The following MITD1 variants were observed in gnomAD, a reference collection of about 807,000 sequenced individuals.
The protein encoded by MITD1 is MIT domain-containing protein 1.
MITD1 carries 24 observed loss-of-function variants against 34.9 expected under a neutral mutation model. The observed-to-expected ratio is 0.69, with a 90% CI of 0.50 to 0.97. MITD1 has a LOEUF of 0.97. MITD1 is among the 50% of genes least tolerant of loss of function. The pLI, the probability that MITD1 is intolerant of heterozygous loss-of-function variation, is 0.00. For synonymous variants in MITD1, 102 were observed against 101.4 expected, an observed-to-expected ratio of 1.01 and a Z score of -0.04; for missense variants, 266 against 294.6, an observed-to-expected ratio of 0.90 and a Z score of 0.71.
chr2:99,164,801 G>A (rs2093819003), downstream of MITD1, among the ~76,000 whole-genome samples: 1 of 151,980 alleles, frequency 6.6e-6, no homozygotes, highest in Admixed American at 6.6e-5. Context: ...TTTGAGAAAG[G>A]TTAAAAATCC....
At chr2:99,166,535 C>T (rs1221929051), downstream of MITD1, among the ~76,000 whole-genome samples, 1 of 143,480 alleles carries the variant, frequency 7.0e-6, no homozygotes, top group Non-Finnish European at 1.5e-5. Context: ...AGAAATTTTT[C>T]ATGAAGAATG....
At chr2:99,174,498 C>A (rs566157008) in intron 1 of MITD1, among the ~76,000 whole-genome samples, 1 of 152,180 alleles carries the variant, frequency 6.6e-6, no homozygotes, top group Non-Finnish European at 1.5e-5. Context: ...TTTTACCCAA[C>A]CACCCCTCCT....
At chr2:99,165,061 C>CACATATAT (rs370053233), downstream of MITD1, among the ~76,000 whole-genome samples, 165 of 135,268 alleles carry the variant, frequency 1.2e-3, no homozygotes, top group South Asian at 3.0e-3. Context: ...CACACACACA[C>CACATATAT]ATATATATAT....
chr2:99,165,704 T>C (rs2093823898), downstream of MITD1, among the ~76,000 whole-genome samples: 1 of 152,226 alleles, frequency 6.6e-6, no homozygotes, highest in Non-Finnish European at 1.5e-5. Context: ...TAGAGCCTAC[T>C]TCCTTCTATG....
At chr2:99,170,457 T>C in intron 5 of MITD1, 80 bp downstream of exon 5, 1 of 387,742 alleles carries the variant, frequency 2.6e-6, no homozygotes. Context: ...TAAATATTTA[T>C]AGGCAATTAT....
Position 99,170,671 on chromosome 2 carries a change from C to G in MITD1, c.478-19G>C. ...CAATGCCCTGTTAATAGCAAAAATA[C>G]GATTATCTGCCGCAGTTATTATTAC... On this transcript the variant is annotated intron_variant, in intron 4 of 6. Transcript: ENST00000289359. 8.8e-7 allele frequency: 1 copy of G among 1,140,544 alleles called. No homozygotes were observed. Among genetic ancestry groups the G allele is most frequent in the Non-Finnish European group, 1.3e-6 (1 of 753,370 alleles). The allele number at this position is 1,140,544 out of a possible 1,614,324, so 70.7% of individuals were successfully genotyped here. A position where few individuals can be genotyped will look rare whatever the true frequency, so the allele number is the denominator to read the frequency against.
At chr2:99,176,594 T>C (rs529675187) in intron 1 of MITD1, among the ~76,000 whole-genome samples, 2 of 152,300 alleles carry the variant, frequency 1.3e-5, no homozygotes, top group Middle Eastern at 6.8e-3. Flanking sequence ...CCCAAAGTGC[T>C]GGGATTACAG....
chr2:99,177,049 A>T (rs2093891989), intron 1 of MITD1, among the ~76,000 whole-genome samples: 1 of 152,214 alleles, frequency 6.6e-6, no homozygotes, highest in Non-Finnish European at 1.5e-5. Flanking sequence ...ATCTATATAA[A>T]TATTAAAAAC....
Position 99,181,021 on chromosome 2 carries a change from T to C in MITD1, c.-40A>G, listed in dbSNP as rs369802687. 740 of 1,595,886 alleles carry C rather than the reference T, an allele frequency of 4.6e-4. 6 individuals carry two copies. The South Asian group carries it at 8.1e-3, about 17-fold the overall frequency. On this transcript the variant is annotated 5_prime_UTR_variant, in exon 1 of 7. Transcript: ENST00000289359. ...TCCTCCGCCTCAACCCAGGATGAAGTTGAGCGGGTCTGCTGCGCTTCCGGG... is the reference window on the plus strand; with the variant it reads ...TCCTCCGCCTCAACCCAGGATGAAGCTGAGCGGGTCTGCTGCGCTTCCGGG...
intron 1 of MITD1, among the ~76,000 whole-genome samples, chr2:99,175,763 T>C (rs2093883331): frequency 1.3e-5 from 2 of 152,198 alleles, no homozygotes; most frequent in Non-Finnish European, 2.9e-5. Context: ...TTTATTCAAT[T>C]AAATAGTATG....
chr2:99,162,679 T>C (rs769680681), intron 7 of MITD1: 15 of 1,614,144 alleles, frequency 9.3e-6, no homozygotes, highest in Non-Finnish European at 1.2e-5. Flanking sequence ...TATCATCAAA[T>C]TGATAATCAC....
In MITD1 at chr2:99,173,976, T is replaced by A. The variant is rs778121026; in HGVS notation, c.192A>T (p.Lys64Asn). The A allele has an allele frequency of 3.7e-6, 6 of 1,603,958 alleles. No individual in the cohort carries two copies. Among genetic ancestry groups the A allele is most frequent in the Non-Finnish European group, 5.1e-6 (6 of 1,172,146 alleles). The part of the protein sequence containing the change: ...DNTKRCNLRE[K>N]ISKYMDRAEN... Reference sequence around the variant, plus strand: ...CCGCTCTGTCCATGTATTTGGAAATTTTTTCTCTGAGATTACATCTCTTAG... The same window carrying A: ...CCGCTCTGTCCATGTATTTGGAAATATTTTCTCTGAGATTACATCTCTTAG... The change falls in exon 2 of 7, where the codon AAA (lysine) becomes AAT (asparagine). Residue 64 changes from lysine to asparagine, a missense_variant. Physicochemically the swap from Lys to Asn is moderately conservative, Grantham distance 94. Coordinates refer to ENST00000289359, the MANE Select transcript of MITD1 (RefSeq NM_138798.3).
chr2:99,165,065 T>C (rs1035277548), downstream of MITD1, among the ~76,000 whole-genome samples: 57 of 138,002 alleles, frequency 4.1e-4, no homozygotes, highest in African/African-American at 1.4e-3. Context: ...CACACACATA[T>C]ATATATAGTC....
At chr2:99,175,085 C>T (rs756668781) in intron 1 of MITD1, among the ~76,000 whole-genome samples, 35 of 152,278 alleles carry the variant, frequency 2.3e-4, no homozygotes, top group Admixed American at 5.2e-4. Context: ...TTTATATTTA[C>T]AGAAAAGTTG....
At chr2:99,168,946 ATTTTTTTTTTTTTT>A (rs1175310553), downstream of MITD1, among the ~76,000 whole-genome samples, 11 of 49,310 alleles carry the variant, frequency 2.2e-4, no homozygotes, top group South Asian at 7.1e-4. Flanking sequence ...TGCCCGGCTA[ATTTTTTTTTTTTTT>A]TTTTTTTTTT....
chr2:99,162,507 A>G (rs1169150010), intron 7 of MITD1: 1 of 1,614,170 alleles, frequency 6.2e-7, no homozygotes, highest in Admixed American at 1.7e-5. Flanking sequence ...ATTATGTAGT[A>G]CTGATGGGAC....
At chr2:99,176,188 G>A (rs1443695570) in intron 1 of MITD1, among the ~76,000 whole-genome samples, 1 of 152,164 alleles carries the variant, frequency 6.6e-6, no homozygotes, top group Non-Finnish European at 1.5e-5. Flanking sequence ...CTGGGCTCAG[G>A]CAATCCGCCT....
rs186563735 is a variant in MITD1 at position 99,169,685 on chromosome 2, T to G, written c.594-75A>C. 8 of 1,270,158 alleles carry G rather than the reference T, an allele frequency of 6.3e-6. No individual in the cohort carries two copies. The African/African-American group carries it at 1.2e-4, about 19-fold the overall frequency. The allele number at this position is 1,270,158 out of a possible 1,614,324, so 78.7% of individuals were successfully genotyped here. On this transcript the variant is annotated intron_variant, in intron 5 of 6. Transcript: ENST00000289359. ...ATTAATAAAGCTGTAGTGTATTAAG[T>G]GTCAGCAAAATTTCCCCCTAACAAA...
At chr2:99,162,648 G>T (rs140873370) in intron 7 of MITD1, 1 of 1,614,078 alleles carries the variant, frequency 6.2e-7, no homozygotes, top group Non-Finnish European at 8.5e-7. Flanking sequence ...AATGAATGCT[G>T]TTGCTACAGA....
Sources: gnomAD v4.1 joint callset for allele counts (sites outside exome capture counted in the v4.1 genomes callset) on GRCh38, gnomAD v4.1.1 for gene constraint, MANE v1.5 for transcripts, NCBI Gene and HGNC (gene_info 2026-07-23, HGNC 2026-07-21) for gene names.